WWOX: variants seen among roughly 807,000 people sequenced by gnomAD.
WWOX encodes WW domain-containing oxidoreductase.
WWOX carries 69 observed loss-of-function variants against 46.2 expected under a neutral mutation model. That is an observed-to-expected ratio of 1.49 (90% CI 1.23 to 1.82). The LOEUF is 1.82. WWOX is among the 40% of genes most tolerant of loss of function. WWOX has a pLI of 0.00. For missense variants in WWOX, 919 were observed against 542.6 expected (o/e 1.69, Z -6.89); for synonymous variants, 359 against 202.6 (o/e 1.77, Z -6.56).
chr16:78,453,161 C>G (rs74217143), intron 8 of WWOX, among the ~76,000 whole-genome samples: 18,102 of 151,944 alleles, frequency 0.12, 1,659 homozygotes, highest in African/African-American at 0.25. Context: ...TGGTAGCTCA[C>G]TTCTGTAATC....
intron 8 of WWOX, among the ~76,000 whole-genome samples, chr16:79,173,867 G>T (rs1597445432): frequency 6.6e-6 from 1 of 152,124 alleles, no homozygotes; most frequent in African/African-American, 2.4e-5. Flanking sequence ...AGATGGATGG[G>T]GGAGAGGACG....
At chr16:78,256,351 C>T (rs1199150984) in intron 5 of WWOX, among the ~76,000 whole-genome samples, 2 of 151,928 alleles carry the variant, frequency 1.3e-5, no homozygotes, top group Non-Finnish European at 2.9e-5. Context: ...ACCTACTGGC[C>T]TCTACCGCTT....
intron 5 of WWOX, among the ~76,000 whole-genome samples, chr16:78,326,001 C>A (rs1402598378): frequency 6.6e-6 from 1 of 152,204 alleles, no homozygotes; most frequent in Non-Finnish European, 1.5e-5. Flanking sequence ...GGCTCTTTTG[C>A]AGATGAGGAA....
chr16:78,462,166 T>C (rs952144533), intron 8 of WWOX, among the ~76,000 whole-genome samples: 2 of 152,156 alleles, frequency 1.3e-5, no homozygotes, highest in African/African-American at 4.8e-5. Context: ...GTGGAAAAGG[T>C]AATTTAAGCA....
rs1394873074 is a variant in WWOX, at chr16:78,422,690, C to CACACATATATATAT, written c.606-2175_606-2174insTATATATATACACA. On this transcript the variant is annotated intron_variant, in intron 6 of 8. Transcript: ENST00000566780. ...ATATATATATATATATATATACACACACACACACACATATATATATACACA... is the reference window on the plus strand; with the variant it reads ...ATATATATATATATATATATACACACACACATATATATATACACACACACATATATATATACACA... 4.2e-3 allele frequency among the ~76,000 whole-genome samples: 86 copies of CACACATATATATAT among 20,710 alleles called. 2 individuals are homozygous for CACACATATATATAT. The highest frequency in any genetic ancestry group is 0.012 in the African/African-American group (77 of 6,604). The allele number at this position is 20,710 out of a possible 152,430, so 13.6% of individuals were successfully genotyped here.
At chr16:78,658,738 C>T (rs1442803774) in intron 8 of WWOX, among the ~76,000 whole-genome samples, 2 of 152,076 alleles carry the variant, frequency 1.3e-5, no homozygotes, top group Non-Finnish European at 2.9e-5. Flanking sequence ...CACTGGAATC[C>T]AGGATGACCT....
At chr16:78,777,139 G>A (rs2050211095) in intron 8 of WWOX, among the ~76,000 whole-genome samples, 1 of 152,110 alleles carries the variant, frequency 6.6e-6, no homozygotes, top group African/African-American at 2.4e-5. Flanking sequence ...TTGTTTCTTG[G>A]TTTCTAGGGT....
chr16:78,315,339 T>A (rs560583279), intron 5 of WWOX, among the ~76,000 whole-genome samples: 13 of 152,280 alleles, frequency 8.5e-5, no homozygotes, highest in Middle Eastern at 3.4e-3. Flanking sequence ...CTCTGTAGTT[T>A]GATATGATAA....
intron 8 of WWOX, among the ~76,000 whole-genome samples, chr16:79,090,780 C>T (rs1474786104): frequency 3.3e-5 from 5 of 152,042 alleles, no homozygotes; most frequent in Non-Finnish European, 7.4e-5. Context: ...CCATGCCCTG[C>T]CTTGTTGGTT....
At chr16:78,976,923 C>T (rs1314672508) in intron 8 of WWOX, among the ~76,000 whole-genome samples, 3 of 152,160 alleles carry the variant, frequency 2.0e-5, no homozygotes, top group South Asian at 2.1e-4. Context: ...TTCTCAGGGC[C>T]ATCAGAAAGG....
At chr16:78,471,645 T>C (rs1175263831) in intron 8 of WWOX, among the ~76,000 whole-genome samples, 1 of 152,202 alleles carries the variant, frequency 6.6e-6, no homozygotes, top group African/African-American at 2.4e-5. Flanking sequence ...CACATTTATA[T>C]TAGGGTAATG....
intron 8 of WWOX, among the ~76,000 whole-genome samples, chr16:78,710,493 TA>T (rs1478037364): frequency 1.5e-5 from 2 of 135,998 alleles, no homozygotes; most frequent in African/African-American, 5.4e-5. Context: ...TATATATATA[TA>T]TATATTTATA....
At chr16:78,740,512 C>T (rs1567528563) in intron 8 of WWOX, among the ~76,000 whole-genome samples, 1 of 152,258 alleles carries the variant, frequency 6.6e-6, no homozygotes, top group South Asian at 2.1e-4. Flanking sequence ...GAGAAGATCC[C>T]TGTTTAGGAG....
chr16:78,308,902 C>T (rs1191226321), intron 5 of WWOX, among the ~76,000 whole-genome samples: 2 of 152,112 alleles, frequency 1.3e-5, no homozygotes, highest in Non-Finnish European at 2.9e-5. Context: ...GCCGCATCGC[C>T]ACCCAAAATC....
intron 8 of WWOX, among the ~76,000 whole-genome samples, chr16:78,697,986 G>A (rs1198488693): frequency 6.6e-6 from 1 of 152,140 alleles, no homozygotes; most frequent in Non-Finnish European, 1.5e-5. Flanking sequence ...TAACAACTGA[G>A]TTGCTATACT....
intron 8 of WWOX, among the ~76,000 whole-genome samples, chr16:79,092,449 A>T (rs1466744697): frequency 6.6e-6 from 1 of 151,934 alleles, no homozygotes; most frequent in East Asian, 1.9e-4. Context: ...ATGGATGTGC[A>T]CCCTTGCTCA....
chr16:78,713,291 A>C (rs1009144826), intron 8 of WWOX, among the ~76,000 whole-genome samples: 1 of 150,668 alleles, frequency 6.6e-6, no homozygotes, highest in East Asian at 1.9e-4. Flanking sequence ...AAAAAAAAAA[A>C]AAAAAAAAAA....
At chr16:79,194,072 T>C (rs534860268) in intron 8 of WWOX, among the ~76,000 whole-genome samples, 1 of 152,272 alleles carries the variant, frequency 6.6e-6, no homozygotes, top group African/African-American at 2.4e-5. Flanking sequence ...ATTCTGTGTG[T>C]GTGTGTCTGT....
intron 8 of WWOX, among the ~76,000 whole-genome samples, chr16:78,433,290 A>T (rs1428225661): frequency 6.6e-6 from 1 of 152,170 alleles, no homozygotes; most frequent in Non-Finnish European, 1.5e-5. Context: ...TTTCCCAAAG[A>T]CAATTTTGGA....
Sources: gnomAD v4.1 joint callset for allele counts (sites outside exome capture counted in the v4.1 genomes callset) on GRCh38, gnomAD v4.1.1 for gene constraint, MANE v1.5 for transcripts, NCBI Gene and HGNC (gene_info 2026-07-23, HGNC 2026-07-21) for gene names.